Variants in LRP5 observed in about 807,000 individuals in gnomAD.
LRP5 encodes the protein low-density lipoprotein receptor-related protein 5.
In LRP5, 62 loss-of-function variants were observed where a neutral mutation model predicts 154.1. The observed-to-expected ratio is 0.40, with a 90% CI of 0.33 to 0.50. The LOEUF is 0.50. Ranked by LOEUF, LRP5 falls within the 20% of genes least tolerant of loss-of-function variation. The pLI, the probability that LRP5 is intolerant of heterozygous loss-of-function variation, is 0.55. For missense variants in LRP5, 1,915 were observed against 2,336.7 expected (o/e 0.82, Z 3.72); for synonymous variants, 966 against 1,011.5 (o/e 0.96, Z 0.85).
At chr11:68,344,963 A>G (rs2098611680) in intron 1 of LRP5, among the ~76,000 whole-genome samples, 2 of 145,492 alleles carry the variant, frequency 1.4e-5, no homozygotes, top group Admixed American at 1.5e-4. Context: ...CCTGGGTCCA[A>G]GCAATTCTCC....
At chr11:68,354,452 C>T (rs1217302878) in intron 2 of LRP5, among the ~76,000 whole-genome samples, 1 of 152,192 alleles carries the variant, frequency 6.6e-6, no homozygotes, top group East Asian at 1.9e-4. Flanking sequence ...TTGGGGAAGG[C>T]CTGTGTGGAT....
intron 9 of LRP5, 81 bp downstream of exon 9, chr11:68,406,894 C>T (rs2098656021): frequency 7.1e-7 from 1 of 1,416,784 alleles, no homozygotes; most frequent in African/African-American, 1.4e-5. Flanking sequence ...GCTTCAGACA[C>T]TTTTCTTAAA....
At chr11:68,359,950 C>CT (rs2098626343) in intron 3 of LRP5, among the ~76,000 whole-genome samples, 2 of 152,112 alleles carry the variant, frequency 1.3e-5, no homozygotes, top group Non-Finnish European at 2.9e-5. Flanking sequence ...CCACGCCTGG[C>CT]AAATTGTTGT....
chr11:68,373,164 T>C (rs1004352049), intron 5 of LRP5, among the ~76,000 whole-genome samples: 1 of 152,038 alleles, frequency 6.6e-6, no homozygotes, highest in African/African-American at 2.4e-5. Context: ...CCTGGGTGTC[T>C]GACCGTTTAT....
intron 21 of LRP5, among the ~76,000 whole-genome samples, chr11:68,441,731 A>C (rs951235566): frequency 2.0e-5 from 3 of 152,168 alleles, no homozygotes; most frequent in Admixed American, 2.0e-4. Context: ...CAGCCAGCTA[A>C]TTTTTTAAAT....
chr11:68,332,088 C>G (rs2098603162), intron 1 of LRP5, among the ~76,000 whole-genome samples: 1 of 152,100 alleles, frequency 6.6e-6, no homozygotes, highest in Admixed American at 6.5e-5. Context: ...CTGAAGGCCC[C>G]ACTCTCCCGC....
At chr11:68,361,329 T>C (rs1817064232) in intron 3 of LRP5, among the ~76,000 whole-genome samples, 1 of 132,348 alleles carries the variant, frequency 7.6e-6, no homozygotes, top group Non-Finnish European at 1.6e-5. Context: ...TAAAATAAAA[T>C]AATAAAATTA....
At chr11:68,372,893 G>A (rs1338954800) in intron 5 of LRP5, among the ~76,000 whole-genome samples, 1 of 152,080 alleles carries the variant, frequency 6.6e-6, no homozygotes, top group East Asian at 1.9e-4. Context: ...TTTCCTGTGG[G>A]GCGAAGGTCA....
chr11:68,381,908 T>C (rs1294754062), intron 5 of LRP5, among the ~76,000 whole-genome samples: 1 of 152,196 alleles, frequency 6.6e-6, no homozygotes, highest in Non-Finnish European at 1.5e-5. Flanking sequence ...GGCACCAGCC[T>C]TGGCAGGGCT....
rs896001791 is a variant in LRP5, at chr11:68,353,477, C to A, written c.489-4173C>A. On this transcript the variant is annotated intron_variant, in intron 2 of 22. Coordinates refer to ENST00000294304, the MANE Select transcript of LRP5 (RefSeq NM_002335.4). This position sits in a 1 kb window ranked among gnomAD's most constrained non-coding sequence, Gnocchi z 4.5. Reference sequence around the variant, plus strand: ...GGGAGAGGATTCCAGCCTGTCACAGCGCCCGCGGCAGCAACCCCTGCTCGC... The same window carrying A: ...GGGAGAGGATTCCAGCCTGTCACAGAGCCCGCGGCAGCAACCCCTGCTCGC... Among the ~76,000 whole-genome samples, 4 of 152,152 alleles carry A rather than the reference C, an allele frequency of 2.6e-5. No homozygotes were observed. The highest frequency in any genetic ancestry group is 1.9e-4 in the East Asian group (1 of 5,190).
the LRP5 span, among the ~76,000 whole-genome samples, chr11:68,302,472 C>G: frequency 6.6e-6 from 1 of 152,160 alleles, no homozygotes; most frequent in Non-Finnish European, 1.5e-5. Context: ...CCTGACTCCA[C>G]CAGCCCCAGA....
intron 7 of LRP5, among the ~76,000 whole-genome samples, chr11:68,391,877 G>A (rs1460066835): frequency 6.6e-6 from 1 of 152,114 alleles, no homozygotes; most frequent in Non-Finnish European, 1.5e-5. Context: ...GGTCTCGCTC[G>A]CTCACCCAGG....
chr11:68,407,326 A>G (rs2098656306), intron 9 of LRP5, among the ~76,000 whole-genome samples: 1 of 150,954 alleles, frequency 6.6e-6, no homozygotes, highest in African/African-American at 2.4e-5. Context: ...GCACCACCAC[A>G]CCCAGCTAAT....
intron 1 of LRP5, among the ~76,000 whole-genome samples, chr11:68,334,189 G>A (rs1476042637): frequency 2.6e-5 from 4 of 152,106 alleles, no homozygotes; most frequent in Non-Finnish European, 5.9e-5. Flanking sequence ...AGCCTGGATC[G>A]TGCCACTGCA....
At chr11:68,366,245 G>A (rs762202989) in intron 5 of LRP5, among the ~76,000 whole-genome samples, 1 of 152,182 alleles carries the variant, frequency 6.6e-6, no homozygotes, top group Non-Finnish European at 1.5e-5. Flanking sequence ...TTTCTGTAGC[G>A]TGATGGGGCC....
chr11:68,400,602 T>G (rs975068321), intron 7 of LRP5, among the ~76,000 whole-genome samples: 1 of 151,810 alleles, frequency 6.6e-6, no homozygotes, highest in Admixed American at 6.6e-5. Context: ...TAGCCAGGCA[T>G]GGTGGCGCCT....
chr11:68,399,618 G>T (rs555889148), intron 7 of LRP5, among the ~76,000 whole-genome samples: 43 of 152,306 alleles, frequency 2.8e-4, no homozygotes, highest in Non-Finnish European at 5.0e-4. Context: ...TTTTGGCTCT[G>T]TTCCCTCCCA....
chr11:68,400,486 T>C (rs2153161268), intron 7 of LRP5, among the ~76,000 whole-genome samples: 1 of 152,220 alleles, frequency 6.6e-6, no homozygotes, highest in East Asian at 1.9e-4. Flanking sequence ...TTTGGGAGGC[T>C]GAGGCGGGCA....
At chr11:68,425,006 A>G (rs1285754238) in intron 14 of LRP5, 96 bp from the exon 15 acceptor site, 4 of 1,068,934 alleles carry the variant, frequency 3.7e-6, no homozygotes, top group Non-Finnish European at 4.3e-6. Flanking sequence ...CCTGAGAGGC[A>G]GGGGCTTTCC....
Sources: allele counts gnomAD v4.1 joint callset (sites outside exome capture counted in the v4.1 genomes callset), GRCh38; gene constraint gnomAD v4.1.1; non-coding constraint Gnocchi (gnomAD v3.1); transcripts MANE v1.5; gene names NCBI Gene and HGNC (gene_info 2026-07-23, HGNC 2026-07-21).